The following MOCS1 variants were observed in gnomAD, a reference collection of about 807,000 sequenced individuals.
MOCS1 encodes molybdenum cofactor biosynthesis protein 1.
A neutral mutation model predicts 57.6 loss-of-function variants in MOCS1; 39 were observed. That is an observed-to-expected ratio of 0.68 (90% CI 0.52 to 0.88). The LOEUF (loss-of-function observed/expected upper bound fraction) is 0.88. Ranked by LOEUF, MOCS1 falls within the 40% of genes least tolerant of loss-of-function variation. The pLI is 0.00. For synonymous variants in MOCS1, 334 were observed against 335.7 expected, an observed-to-expected ratio of 1.00 and a Z score of 0.05; for missense variants, 795 against 831.1, an observed-to-expected ratio of 0.96 and a Z score of 0.53.
At chr6:39,933,500 T>C (rs1768746433) in intron 1 of MOCS1, among the ~76,000 whole-genome samples, 1 of 152,116 alleles carries the variant, frequency 6.6e-6, no homozygotes, top group African/African-American at 2.4e-5. Flanking sequence ...AGCCTAGTTC[T>C]GGGAGACGGG....
At chr6:39,924,522 G>A (rs1582831012) in intron 3 of MOCS1, among the ~76,000 whole-genome samples, 3 of 152,334 alleles carry the variant, frequency 2.0e-5, no homozygotes, top group Non-Finnish European at 1.5e-5. Context: ...ACAAAGTAGG[G>A]TAAGTGAGTA....
rs766275341 is a variant in MOCS1, at chr6:39,905,179, CTG to C, written c.*1176_*1177del. 1.7e-4 allele frequency: 77 copies of C among 454,344 alleles called. 1 individual carries two copies. Among genetic ancestry groups the C allele is most frequent in the South Asian group, 8.5e-4 (55 of 64,470 alleles). The allele number at this position is 454,344 out of a possible 1,614,324, so 28.1% of individuals were successfully genotyped here. A position where few individuals can be genotyped will look rare whatever the true frequency, so the allele number is the denominator to read the frequency against. On this transcript the variant is annotated 3_prime_UTR_variant, in exon 11 of 11. Coordinates refer to ENST00000340692, the MANE Select transcript of MOCS1 (RefSeq NM_001358530.2). ...AGTTAGAGAGCCCAGCAGGCCAGAA[CTG>C]TGTGTGTTTGGGATGTGAGAACCAG...
chr6:39,916,822 AG>A (rs1222445692), intron 3 of MOCS1, among the ~76,000 whole-genome samples: 1 of 152,254 alleles, frequency 6.6e-6, no homozygotes, highest in Non-Finnish European at 1.5e-5. Flanking sequence ...GAGAGAAAGC[AG>A]ATGGAACCGA....
intron 1 of MOCS1, among the ~76,000 whole-genome samples, chr6:39,932,031 T>A (rs186502604): frequency 6.6e-6 from 1 of 152,136 alleles, no homozygotes; most frequent in Non-Finnish European, 1.5e-5. Flanking sequence ...CGACCTGTTC[T>A]TGGACTCAGC....
At chr6:39,917,588 C>T (rs1420873684) in intron 3 of MOCS1, among the ~76,000 whole-genome samples, 2 of 151,996 alleles carry the variant, frequency 1.3e-5, no homozygotes, top group African/African-American at 2.4e-5. Context: ...CCAACAGAGA[C>T]CTCAGGCACT....
At chr6:39,921,685 A>T (rs555993899) in intron 3 of MOCS1, among the ~76,000 whole-genome samples, 1 of 152,164 alleles carries the variant, frequency 6.6e-6, no homozygotes, top group Non-Finnish European at 1.5e-5. Context: ...TATACTCTAC[A>T]AGAAAGGCAG....
chr6:39,912,450 T>A, intron 7 of MOCS1, 76 bp from the exon 8 acceptor site: 1 of 1,047,418 alleles, frequency 9.5e-7, no homozygotes, highest in Admixed American at 1.7e-5. Flanking sequence ...CTCCATGACA[T>A]CAGAACCTCC....
At chr6:39,929,580 G>A (rs1274350445) in intron 1 of MOCS1, among the ~76,000 whole-genome samples, 1 of 151,998 alleles carries the variant, frequency 6.6e-6, no homozygotes, top group Non-Finnish European at 1.5e-5. Context: ...AGAATTGGAA[G>A]TTGAGAGGAC....
intron 3 of MOCS1, among the ~76,000 whole-genome samples, chr6:39,918,466 CTAAGAATTTAAGGAAA>C (rs1767783306): frequency 6.6e-6 from 1 of 152,142 alleles, no homozygotes; most frequent in Non-Finnish European, 1.5e-5. Context: ...TGAAATTCCA[CTAAGAATTTAAGGAAA>C]TAATCACGGA....
At chr6:39,923,901 C>T (rs919864018) in intron 3 of MOCS1, among the ~76,000 whole-genome samples, 3 of 152,186 alleles carry the variant, frequency 2.0e-5, no homozygotes, top group Non-Finnish European at 2.9e-5. Flanking sequence ...CATTCATCTT[C>T]GTGTGCTCAG....
rs886061383 is a variant in MOCS1 at position 39,905,294 on chromosome 6, A to T, written c.*1063T>A. On this transcript the variant is annotated 3_prime_UTR_variant, in exon 11 of 11. Coordinates refer to ENST00000340692, the MANE Select transcript of MOCS1 (RefSeq NM_001358530.2). ...TGAACACCCCTGGCCACCACCTGAC[A>T]AAAGATTTCCCTTAGATGGTGCATT... 3.1e-5 allele frequency: 14 copies of T among 455,072 alleles called. No individual in the cohort carries two copies. The highest frequency in any genetic ancestry group is 5.7e-5 in the Non-Finnish European group (13 of 226,974). 28.2% of individuals were successfully genotyped at this position (455,072 alleles called of 1,614,324 possible).
chr6:39,930,028 G>GT (rs1245524533), intron 1 of MOCS1, among the ~76,000 whole-genome samples: 1 of 150,792 alleles, frequency 6.6e-6, no homozygotes, highest in East Asian at 2.0e-4. Flanking sequence ...AAGAACTTCT[G>GT]TGACCTTGTC....
rs150587134 is a variant in MOCS1 at position 39,906,122 on chromosome 6, T to C, written c.*235A>G. The C allele has an allele frequency of 5.8e-4, 401 of 688,324 alleles. 2 individuals carry two copies. The African/African-American group carries it at 6.4e-3, about 11-fold the overall frequency. 42.6% of individuals were successfully genotyped at this position (688,324 alleles called of 1,614,324 possible). A position where few individuals can be genotyped will look rare whatever the true frequency, so the allele number is the denominator to read the frequency against. ...CAGTCCCGCTCCCACGACCTTAGTG[T>C]CCTGGAAGGCTTAAGGGCCTGCTGG... On this transcript the variant is annotated 3_prime_UTR_variant, in exon 11 of 11. Coordinates refer to ENST00000340692, the MANE Select transcript of MOCS1 (RefSeq NM_001358530.2).
rs1183371206 is a variant in MOCS1 at position 39,906,226 on chromosome 6, G to A, written c.*131C>T. Reference sequence around the variant, plus strand: ...AGGCCTGTTTGTTAGTAGTAGAGCAGGCTGACTTCGGGTTTACTGCTCAAG... The same window carrying A: ...AGGCCTGTTTGTTAGTAGTAGAGCAAGCTGACTTCGGGTTTACTGCTCAAG... On this transcript the variant is annotated 3_prime_UTR_variant, in exon 11 of 11. Transcript: ENST00000340692. 5 of 1,134,408 alleles carry A rather than the reference G, an allele frequency of 4.4e-6. No homozygotes were observed. The highest frequency in any genetic ancestry group is 5.3e-6 in the Non-Finnish European group (4 of 754,514). 70.3% of individuals were successfully genotyped at this position (1,134,408 alleles called of 1,614,324 possible).
In MOCS1 at chr6:39,934,358, G is replaced by C. The variant is rs1208715055; in HGVS notation, c.60C>G (p.Ser20Arg). Reference sequence around the variant, plus strand: ...GGGTCACCGGAGCCCCTGAGCTGCAGCTCCGGGCGCTGGACCTCAGAAGCC... The same window carrying C: ...GGGTCACCGGAGCCCCTGAGCTGCACCTCCGGGCGCTGGACCTCAGAAGCC... ...LRRLLRSSAR[S>R]CSSGAPVTQP... The change falls in exon 1 of 11, where the codon AGC becomes AGG. Residue 20 changes from serine to arginine, a missense_variant. Physicochemically the swap from Ser to Arg is moderately radical, Grantham distance 110. This residue lies in a region of MOCS1 where 416 missense variants were observed against 392.4 expected (regional missense o/e 1.06). Coordinates refer to ENST00000340692, the MANE Select transcript of MOCS1 (RefSeq NM_001358530.2). 3 of 1,554,768 alleles carry C rather than the reference G, an allele frequency of 1.9e-6. No homozygotes were observed. Among genetic ancestry groups the C allele is most frequent in the Admixed American group, 1.9e-5 (1 of 52,754 alleles).
At position 39,906,640 on chromosome 6, in the gene MOCS1, G is replaced by T. The variant is rs886061388; in HGVS notation, c.1628C>A (p.Ala543Glu). The change falls in exon 11 of 11, where the codon GCA (alanine) becomes GAA (glutamate). Residue 543 changes from alanine (A) to glutamate (E), a missense_variant. By Grantham distance (107) the Ala-to-Glu change is moderately radical (BLOSUM62 -1). Transcript: ENST00000340692. ...GATCAGCTGGCTGGTCACCTTGGCT[G>T]CCTGGACTCCAGCCAGCTGGGCCAC... ...LVVAQLAGVQ[A>E]AKVTSQLIPL... is the part of the protein sequence containing the mutation. The T allele has an allele frequency of 1.9e-6, 3 of 1,613,888 alleles. No homozygotes were observed. The East Asian group carries it at 6.7e-5, about 36-fold the overall frequency.
intron 4 of MOCS1, among the ~76,000 whole-genome samples, chr6:39,914,832 A>AAG (rs1767563305): frequency 6.6e-6 from 1 of 152,168 alleles, no homozygotes; most frequent in South Asian, 2.1e-4. Flanking sequence ...TATGAATGGG[A>AAG]GGGAAGATCT....
chr6:39,912,447 A>G lies in MOCS1; in HGVS notation c.871-73T>C. On this transcript the variant is annotated intron_variant, in intron 7 of 10. Transcript: ENST00000340692. ...ACTGAGCCCAGTTTCTCACTCCATG[A>G]CATCAGAACCTCCACTCCTCAACCC... 4.6e-6 allele frequency: 5 copies of G among 1,079,066 alleles called. No homozygotes were observed. The South Asian group carries it at 6.3e-5, about 14-fold the overall frequency. 66.8% of individuals were successfully genotyped at this position (1,079,066 alleles called of 1,614,324 possible).
chr6:39,906,120 T>C lies in MOCS1; in HGVS notation c.*237A>G, dbSNP rs1272914850. On this transcript the variant is annotated 3_prime_UTR_variant, in exon 11 of 11. Transcript: ENST00000340692. ...TGCAGTCCCGCTCCCACGACCTTAG[T>C]GTCCTGGAAGGCTTAAGGGCCTGCT... is the stretch of plus-strand genomic sequence containing the variant. The C allele has an allele frequency of 1.5e-6, 1 of 679,450 alleles. No individual in the cohort carries two copies. The highest frequency in any genetic ancestry group is 1.5e-5 in the South Asian group (1 of 66,744). The allele number at this position is 679,450 out of a possible 1,614,324, so 42.1% of individuals were successfully genotyped here. A position where few individuals can be genotyped will look rare whatever the true frequency, so the allele number is the denominator to read the frequency against.
Sources: gnomAD v4.1 joint callset for allele counts (sites outside exome capture counted in the v4.1 genomes callset) on GRCh38, gnomAD v4.1.1 for gene constraint, gnomAD v4.1.1 regional missense constraint, MANE v1.5 for transcripts, NCBI Gene and HGNC (gene_info 2026-07-23, HGNC 2026-07-21) for gene names.